The following CSMD3 variants were observed in gnomAD, a reference collection of about 807,000 sequenced individuals.
CSMD3 encodes the protein CUB and sushi domain-containing protein 3.
Under a neutral mutation model 435.2 loss-of-function variants are expected in CSMD3, and 177 were observed. The ratio of observed to expected loss-of-function variants is 0.41; its 90% CI spans 0.36 to 0.46. CSMD3 has a LOEUF of 0.46. CSMD3 is among the 20% of genes least tolerant of loss of function. The pLI, the probability that CSMD3 is intolerant of heterozygous loss-of-function variation, is 0.34. For synonymous variants in CSMD3, 1,656 were observed against 1,520.5 expected, an observed-to-expected ratio of 1.09 and a Z score of -2.07; for missense variants, 4,265 against 4,504.6, an observed-to-expected ratio of 0.95 and a Z score of 1.52.
In CSMD3 at chr8:112,846,467, G is replaced by T. The variant is rs192178115; in HGVS notation, c.1755+12678C>A. Among the ~76,000 whole-genome samples, 527 of 151,720 alleles carry T rather than the reference G, an allele frequency of 3.5e-3. 1 individual carries two copies. The highest frequency in any genetic ancestry group is 0.012 in the African/African-American group (500 of 41,402). ...CACCCAGGCTGGAATGCAGCAGCAG[G>T]GTTATAGCTCATCCATCCTTAAACT... On this transcript the variant is annotated intron_variant, in intron 11 of 70. Coordinates refer to ENST00000297405, the MANE Select transcript of CSMD3 (RefSeq NM_198123.2).
At chr8:113,372,829 G>A (rs2094354863) in intron 1 of CSMD3, among the ~76,000 whole-genome samples, 2 of 151,842 alleles carry the variant, frequency 1.3e-5, no homozygotes, top group Non-Finnish European at 2.9e-5. Flanking sequence ...AGCTACTCGG[G>A]AGGCTGAGGC....
At chr8:112,298,066 CAAAAA>C (rs35232021) in intron 53 of CSMD3, among the ~76,000 whole-genome samples, 2,999 of 93,634 alleles carry the variant, frequency 0.032, 46 homozygotes, top group African/African-American at 0.084. Flanking sequence ...TGCCATTGCA[CAAAAA>C]AAAAAAAAAA....
intron 1 of CSMD3, among the ~76,000 whole-genome samples, chr8:113,414,665 A>C (rs1294430971): frequency 2.0e-5 from 3 of 151,408 alleles, no homozygotes; most frequent in African/African-American, 7.3e-5. Flanking sequence ...AAAAAAAAAA[A>C]AAAAAAAAGT....
At chr8:113,052,520 C>T (rs1489333047) in intron 5 of CSMD3, among the ~76,000 whole-genome samples, 1 of 152,200 alleles carries the variant, frequency 6.6e-6, no homozygotes, top group Non-Finnish European at 1.5e-5. Flanking sequence ...TGCCAGGTGT[C>T]ATGGCCCAGC....
At chr8:113,347,711 T>G (rs2094161548) in intron 1 of CSMD3, among the ~76,000 whole-genome samples, 2 of 152,074 alleles carry the variant, frequency 1.3e-5, no homozygotes. Flanking sequence ...ACAGTCCAGC[T>G]CCCACCTGCT....
At chr8:112,855,209 C>T (rs906827763) in intron 11 of CSMD3, among the ~76,000 whole-genome samples, 4 of 152,026 alleles carry the variant, frequency 2.6e-5, no homozygotes, top group Admixed American at 6.6e-5. Flanking sequence ...CCATTTGTAT[C>T]GGCTAGACCA....
chr8:112,877,085 A>G (rs2081304862), intron 10 of CSMD3, among the ~76,000 whole-genome samples: 1 of 152,124 alleles, frequency 6.6e-6, no homozygotes. Context: ...AGAACTACAA[A>G]CCACTGCTCA....
intron 17 of CSMD3, among the ~76,000 whole-genome samples, chr8:112,659,062 C>G (rs1016059675): frequency 4.9e-4 from 74 of 152,098 alleles, no homozygotes; most frequent in Non-Finnish European, 9.6e-4. Flanking sequence ...CAGCTGACAG[C>G]AGCCAAATTA....
At chr8:113,197,437 GA>G (rs957340680) in intron 3 of CSMD3, among the ~76,000 whole-genome samples, 2 of 151,086 alleles carry the variant, frequency 1.3e-5, no homozygotes, top group African/African-American at 4.8e-5. Flanking sequence ...GTCCCATGGG[GA>G]TCCAATCAAC....
chr8:113,209,313 T>C (rs2092805436), intron 3 of CSMD3, among the ~76,000 whole-genome samples: 1 of 152,282 alleles, frequency 6.6e-6, no homozygotes, highest in South Asian at 2.1e-4. Flanking sequence ...GAAGGGCATT[T>C]ATAAATAATT....
chr8:112,783,311 A>G (rs2132254463), intron 13 of CSMD3, among the ~76,000 whole-genome samples: 1 of 151,678 alleles, frequency 6.6e-6, no homozygotes, highest in South Asian at 2.1e-4. Flanking sequence ...CATGGTAACA[A>G]AAACTACAAC....
In CSMD3 at chr8:112,263,825, T is replaced by A. The variant is rs1007115552; in HGVS notation, c.9689-13A>T. 1.2e-6 allele frequency: 2 copies of A among 1,609,478 alleles called. No homozygotes were observed. Among genetic ancestry groups the A allele is most frequent in the Non-Finnish European group, 1.7e-6 (2 of 1,175,932 alleles). ...GGGCAGGTAACAGCTGCAATTACAT[T>A]AAAAGTGATTAGACACAGCTGTTGA... is the stretch of plus-strand genomic sequence containing the variant. On this transcript the variant is annotated splice_polypyrimidine_tract_variant and intron_variant, in intron 60 of 70. Coordinates refer to ENST00000297405, the MANE Select transcript of CSMD3 (RefSeq NM_198123.2).
At chr8:112,970,019 G>A (rs985788865) in intron 7 of CSMD3, among the ~76,000 whole-genome samples, 1 of 151,748 alleles carries the variant, frequency 6.6e-6, no homozygotes, top group Non-Finnish European at 1.5e-5. Context: ...TACTAGTCTA[G>A]GACTATCAAT....
At chr8:112,680,408 T>C (rs2075863074) in intron 16 of CSMD3, among the ~76,000 whole-genome samples, 1 of 152,142 alleles carries the variant, frequency 6.6e-6, no homozygotes, top group Non-Finnish European at 1.5e-5. Context: ...AGATTTTTCT[T>C]ACTGGTTCCC....
intron 1 of CSMD3, among the ~76,000 whole-genome samples, chr8:113,334,789 A>G (rs769215008): frequency 1.1e-4 from 17 of 152,160 alleles, no homozygotes; most frequent in Non-Finnish European, 2.1e-4. Flanking sequence ...AGGAATTGGC[A>G]TATTTTTTTC....
At chr8:113,348,487 T>A (rs1019497037) in intron 1 of CSMD3, among the ~76,000 whole-genome samples, 1 of 152,066 alleles carries the variant, frequency 6.6e-6, no homozygotes, top group Non-Finnish European at 1.5e-5. Flanking sequence ...GATGCCTCTC[T>A]TTACTAGGAA....
chr8:113,076,032 C>T (rs1448411602), intron 5 of CSMD3, among the ~76,000 whole-genome samples: 2 of 151,556 alleles, frequency 1.3e-5, no homozygotes, highest in Non-Finnish European at 3.0e-5. Context: ...AGTAGTTTCA[C>T]TAAAAGTTAT....
intron 38 of CSMD3, among the ~76,000 whole-genome samples, chr8:112,366,548 A>G (rs1264766721): frequency 6.6e-6 from 1 of 151,980 alleles, no homozygotes; most frequent in African/African-American, 2.4e-5. Flanking sequence ...CAAGTGCATG[A>G]CAGTATGCCT....
At chr8:112,817,346 G>A (rs1319302436) in intron 12 of CSMD3, among the ~76,000 whole-genome samples, 5 of 151,984 alleles carry the variant, frequency 3.3e-5, no homozygotes, top group African/African-American at 7.2e-5. Flanking sequence ...GCCAGTAATT[G>A]CATTACCATC....
Sources: gnomAD v4.1 joint callset for allele counts (sites outside exome capture counted in the v4.1 genomes callset) on GRCh38, gnomAD v4.1.1 for gene constraint, MANE v1.5 for transcripts, NCBI Gene and HGNC (gene_info 2026-07-23, HGNC 2026-07-21) for gene names.